RAB28: variants seen among roughly 807,000 people sequenced by gnomAD.
RAB28 encodes ras-related protein Rab-28.
Under a neutral mutation model 31.7 loss-of-function variants are expected in RAB28, and 24 were observed. That is an observed-to-expected ratio of 0.76 (90% CI 0.55 to 1.06). RAB28 has a LOEUF of 1.06. Ranked by LOEUF, RAB28 falls within the 50% of genes least tolerant of loss-of-function variation. The pLI is 0.00. For synonymous variants in RAB28, 100 were observed against 90.4 expected, an observed-to-expected ratio of 1.11 and a Z score of -0.60; for missense variants, 254 against 258.5, an observed-to-expected ratio of 0.98 and a Z score of 0.12.
At chr4:13,371,714 T>C in intron 6 of RAB28, 1 of 1,532,944 alleles carries the variant, frequency 6.5e-7, no homozygotes, top group South Asian at 1.2e-5. Flanking sequence ...AACTTCATGG[T>C]AGGTGGTTTC....
intron 4 of RAB28, among the ~76,000 whole-genome samples, chr4:13,432,305 C>A (rs1480749057): frequency 6.6e-6 from 1 of 151,994 alleles, no homozygotes; most frequent in Non-Finnish European, 1.5e-5. Context: ...GTGGCCAAAC[C>A]TAAGACAAAC....
chr4:13,462,181 T>C (rs1217776434), intron 3 of RAB28, among the ~76,000 whole-genome samples: 1 of 152,154 alleles, frequency 6.6e-6, no homozygotes, highest in Non-Finnish European at 1.5e-5. Flanking sequence ...TAAATATTAA[T>C]CAATTGGCTT....
At chr4:13,389,287 T>C (rs992850229) in intron 4 of RAB28, among the ~76,000 whole-genome samples, 8 of 152,126 alleles carry the variant, frequency 5.3e-5, no homozygotes, top group African/African-American at 1.9e-4. Flanking sequence ...AGAATAGTGG[T>C]TGCCAGGGGA....
chr4:13,409,596 A>G (rs139306611), intron 4 of RAB28, among the ~76,000 whole-genome samples: 230 of 152,322 alleles, frequency 1.5e-3, no homozygotes, highest in African/African-American at 5.3e-3. Flanking sequence ...GCTGGTCCAC[A>G]TGATTTCTCA....
chr4:13,402,955 G>A (rs1247489223), intron 4 of RAB28, among the ~76,000 whole-genome samples: 2 of 152,008 alleles, frequency 1.3e-5, no homozygotes, highest in South Asian at 2.1e-4. Flanking sequence ...CACTGCACCC[G>A]GATAATTTCT....
intron 4 of RAB28, among the ~76,000 whole-genome samples, chr4:13,390,586 CAAA>C (rs754359378): frequency 8.3e-6 from 1 of 121,120 alleles, no homozygotes. Context: ...CACATGGAAT[CAAA>C]AAAAAAAAAA....
At chr4:13,399,978 A>AT (rs1051886003) in intron 4 of RAB28, among the ~76,000 whole-genome samples, 2 of 152,096 alleles carry the variant, frequency 1.3e-5, no homozygotes, top group Non-Finnish European at 2.9e-5. Context: ...ATATTCTTTT[A>AT]TTTTTTTATT....
At chr4:13,422,106 C>T (rs564966273) in intron 4 of RAB28, among the ~76,000 whole-genome samples, 139 of 151,630 alleles carry the variant, frequency 9.2e-4, no homozygotes, top group Non-Finnish European at 1.5e-3. Context: ...TGAACAGACA[C>T]TTCTCTAAAG....
At chr4:13,392,722 CG>C (rs1560274247) in intron 4 of RAB28, among the ~76,000 whole-genome samples, 27 of 152,008 alleles carry the variant, frequency 1.8e-4, no homozygotes. Context: ...TTTTCTTGAA[CG>C]TTGCTAAGAG....
intron 3 of RAB28, among the ~76,000 whole-genome samples, chr4:13,467,899 A>C (rs944603191): frequency 2.0e-4 from 31 of 151,980 alleles, no homozygotes; most frequent in African/African-American, 7.5e-4. Flanking sequence ...CTTACATATA[A>C]AGACACAAAC....
intron 4 of RAB28, among the ~76,000 whole-genome samples, chr4:13,421,053 A>C (rs936770929): frequency 6.6e-6 from 1 of 152,240 alleles, no homozygotes; most frequent in African/African-American, 2.4e-5. Flanking sequence ...CAACTTCAGC[A>C]AAGTCTCAGG....
chr4:13,378,519 T>C (rs941170145), intron 5 of RAB28, among the ~76,000 whole-genome samples: 2 of 152,120 alleles, frequency 1.3e-5, no homozygotes, highest in African/African-American at 2.4e-5. Flanking sequence ...AGGCAACAGC[T>C]AGAGAAAAAA....
intron 4 of RAB28, among the ~76,000 whole-genome samples, chr4:13,414,103 C>A (rs1002846202): frequency 1.3e-5 from 2 of 152,164 alleles, no homozygotes; most frequent in Non-Finnish European, 2.9e-5. Flanking sequence ...TGACAAGCCA[C>A]GCACGAGTCT....
chr4:13,396,566 C>T (rs1157785866), intron 4 of RAB28, among the ~76,000 whole-genome samples: 1 of 152,016 alleles, frequency 6.6e-6, no homozygotes, highest in Non-Finnish European at 1.5e-5. Context: ...CTTAAACCAA[C>T]CTTCTTATAA....
chr4:13,436,554 CAAT>C (rs1714121412), intron 4 of RAB28, among the ~76,000 whole-genome samples: 1 of 151,946 alleles, frequency 6.6e-6, no homozygotes, highest in Non-Finnish European at 1.5e-5. Flanking sequence ...TTCTATACAC[CAAT>C]AATGTTCAAG....
intron 4 of RAB28, among the ~76,000 whole-genome samples, chr4:13,406,156 C>G (rs1712070217): frequency 6.6e-6 from 1 of 152,140 alleles, no homozygotes; most frequent in Admixed American, 6.5e-5. Flanking sequence ...CTCCTAGCCC[C>G]CCACCCCGCT....
At chr4:13,395,504 A>T (rs998291617) in intron 4 of RAB28, among the ~76,000 whole-genome samples, 50 of 152,128 alleles carry the variant, frequency 3.3e-4, no homozygotes, top group African/African-American at 1.2e-3. Flanking sequence ...TCTAAAACAC[A>T]CACACACTAA....
intron 6 of RAB28, among the ~76,000 whole-genome samples, chr4:13,374,525 C>A (rs1728844810): frequency 1.3e-5 from 2 of 151,960 alleles, no homozygotes; most frequent in Admixed American, 1.3e-4. Context: ...GTGCAGCCCT[C>A]TCACCTGTGA....
chr4:13,396,493 TAGA>T (rs1409475486), intron 4 of RAB28, among the ~76,000 whole-genome samples: 6 of 152,074 alleles, frequency 3.9e-5, no homozygotes, highest in African/African-American at 7.2e-5. Flanking sequence ...CATGCCATAT[TAGA>T]AGAATTGCTA....
Sources: gnomAD v4.1 joint callset for allele counts (sites outside exome capture counted in the v4.1 genomes callset) on GRCh38, gnomAD v4.1.1 for gene constraint, MANE v1.5 for transcripts, NCBI Gene and HGNC (gene_info 2026-07-23, HGNC 2026-07-21) for gene names.